The following FAM174C variants were observed in gnomAD, a reference collection of about 807,000 sequenced individuals.
The protein encoded by FAM174C is protein FAM174C.
Under a neutral mutation model 12.3 loss-of-function variants are expected in FAM174C, and 19 were observed. The observed-to-expected ratio is 1.55, with a 90% confidence interval of 1.08 to 2.27. The LOEUF (loss-of-function observed/expected upper bound fraction) is 2.27. FAM174C is among the 30% of genes most tolerant of loss of function. The probability of loss-of-function intolerance (pLI) is 0.00; values close to 1 mark genes in which losing one functional copy is unlikely to be tolerated. For missense variants in FAM174C, 239 were observed against 190.2 expected (o/e 1.26, Z -1.51); for synonymous variants, 147 against 103.5 (o/e 1.42, Z -2.55).
At position 1,278,958 on chromosome 19, in the gene FAM174C, C is replaced by T. The variant is rs1331929288; in HGVS notation, c.*181C>T. 1.4e-5 allele frequency: 22 copies of T among 1,612,606 alleles called. No homozygotes were observed. The highest frequency in any genetic ancestry group is 1.8e-5 in the Non-Finnish European group (21 of 1,179,948). On this transcript the variant is annotated 3_prime_UTR_variant, in exon 3 of 3. Transcript: ENST00000409293. ...ACCTGCACAGCCCGCCGACCTGTTG[C>T]CACCTGCACCCACCGCTGGACCATG...
chr19:1,277,095 A>G, intron 1 of FAM174C, 88 bp from the exon 2 acceptor site: 1 of 1,471,264 alleles, frequency 6.8e-7, no homozygotes, highest in Non-Finnish European at 9.1e-7. Context: ...TCGGGGCTCC[A>G]GTAGAGGACG....
rs2081409729 is a variant in FAM174C at position 1,275,745 on chromosome 19, T to C, written c.196T>C (p.Ser66Pro). ...CACGCACACGCGTCCGCCGGGGGCGTCGGGCTCGGCGCTGACGCGCTCCTT... is the reference window on the plus strand; with the variant it reads ...CACGCACACGCGTCCGCCGGGGGCGCCGGGCTCGGCGCTGACGCGCTCCTT... The part of the protein sequence containing the change: ...NSTHTRPPGA[S>P]GSALTRSFYV... The change falls in exon 1 of 3, where the codon TCG (serine) becomes CCG (proline). Residue 66 changes from serine to proline, a missense_variant. Ser to Pro is a moderately conservative substitution (Grantham distance 74). Transcript: ENST00000409293. 2 of 1,534,892 alleles carry C rather than the reference T, an allele frequency of 1.3e-6. No homozygotes were observed. The highest frequency in any genetic ancestry group is 1.7e-6 in the Non-Finnish European group (2 of 1,144,484).
At chr19:1,276,046 G>T (rs1012292047) in intron 1 of FAM174C, 4 of 547,650 alleles carry the variant, frequency 7.3e-6, no homozygotes, top group Admixed American at 3.7e-5. Context: ...TGCGCCTGGG[G>T]TTGGAGGTGC....
rs557576284 is a variant in FAM174C, at chr19:1,277,199, C to T, written c.298C>T (p.Arg100Trp). Residue 100 changes from arginine to tryptophan, a missense_variant, in exon 2 of 3, where the codon CGG becomes TGG. By Grantham distance (101) the Arg-to-Trp change is moderately radical. Coordinates refer to ENST00000409293, the MANE Select transcript of FAM174C (RefSeq NM_017914.4). ...IRAFRLKKPQ[R>W]RRYGLLANTE... Reference sequence around the variant, plus strand: ...TACTTCCAGGTTGAAGAAGCCTCAGCGGAGGCGATACGGCCTCCTCGCCAA... The same window carrying T: ...TACTTCCAGGTTGAAGAAGCCTCAGTGGAGGCGATACGGCCTCCTCGCCAA... 11 of 1,542,850 alleles carry T rather than the reference C, an allele frequency of 7.1e-6. No individual in the cohort carries two copies. In the East Asian group the frequency reaches 1.2e-4, roughly 17 times the overall value.
In FAM174C at chr19:1,275,610, G is replaced by GCGCTGCCGTGCGGTGCCGAAGAGGCCT; in HGVS notation, c.65_91dup (p.Leu22_Ser30dup). 1.6e-6 allele frequency: 2 copies of GCGCTGCCGTGCGGTGCCGAAGAGGCCT among 1,258,130 alleles called. No homozygotes were observed. The highest frequency in any genetic ancestry group is 3.1e-5 in the South Asian group (1 of 32,770). 77.9% of individuals were successfully genotyped at this position (1,258,130 alleles called of 1,614,324 possible). ...GCTCCTGCTGGCGCTGCTGCTGGCG[G>GCGCTGCCGTGCGGTGCCGAAGAGGCCT]CGCTGCCGTGCGGTGCCGAAGAGGC... On this transcript the variant is annotated inframe_insertion, in exon 1 of 3. Transcript: ENST00000409293.
Position 1,277,210 on chromosome 19 carries a change from C to T in FAM174C, c.309C>T (p.Tyr103=), listed in dbSNP as rs138739305. The change falls in exon 2 of 3, where the codon TAC becomes TAT. Residue 103 remains tyrosine, a synonymous_variant. Coordinates refer to ENST00000409293, the MANE Select transcript of FAM174C (RefSeq NM_017914.4). ...TGAAGAAGCCTCAGCGGAGGCGATACGGCCTCCTCGCCAACACTGAGGACC... is the reference window on the plus strand; with the variant it reads ...TGAAGAAGCCTCAGCGGAGGCGATATGGCCTCCTCGCCAACACTGAGGACC... The part of the protein sequence containing the change: ...FRLKKPQRRR[Y]GLLANTEDPT... 1.5e-3 allele frequency: 2,307 copies of T among 1,546,750 alleles called. 13 individuals carry two copies. Among genetic ancestry groups the T allele is most frequent in the Middle Eastern group, 3.2e-3 (19 of 5,980 alleles).
chr19:1,277,065 A>G, intron 1 of FAM174C, 118 bp from the exon 2 acceptor site: 1 of 1,394,566 alleles, frequency 7.2e-7, no homozygotes, highest in Admixed American at 2.7e-5. Flanking sequence ...CAGCAAAACC[A>G]GGGAGGTCTG....
rs1355763820 is a variant in FAM174C at position 1,277,234 on chromosome 19, C to T, written c.333C>T (p.Asp111=). Residue 111 remains aspartate (D), a synonymous_variant, in exon 2 of 3, where the codon GAC becomes GAT. Coordinates refer to ENST00000409293, the MANE Select transcript of FAM174C (RefSeq NM_017914.4). Reference sequence around the variant, plus strand: ...ACGGCCTCCTCGCCAACACTGAGGACCCCACGGAGATGGCCTCGCTGGACA... The same window carrying T: ...ACGGCCTCCTCGCCAACACTGAGGATCCCACGGAGATGGCCTCGCTGGACA... ...RRYGLLANTE[D]PTEMASLDSD... The T allele has an allele frequency of 2.6e-6, 4 of 1,549,694 alleles. No homozygotes were observed. The highest frequency in any genetic ancestry group is 2.4e-5 in the East Asian group (1 of 40,890).
At chr19:1,275,942 C>CTCTCCCTG in intron 1 of FAM174C, 112 bp downstream of exon 1, 1 of 1,024,948 alleles carries the variant, frequency 9.8e-7, no homozygotes, top group Admixed American at 2.2e-5. Context: ...CTCCCTCCCT[C>CTCTCCCTG]TCTCCCTGTT....
Position 1,275,535 on chromosome 19 carries a change from C to A in FAM174C, c.-15C>A. The stretch of plus-strand genomic sequence containing the variant: ...GCGCATAGGGGCGGGGCGCCGCCAC[C>A]GCTTCCGCCGGGCCATGGGGCCGCG... On this transcript the variant is annotated 5_prime_UTR_variant, in exon 1 of 3. Coordinates refer to ENST00000409293, the MANE Select transcript of FAM174C (RefSeq NM_017914.4). The A allele has an allele frequency of 8.3e-7, 1 of 1,205,064 alleles. No individual in the cohort carries two copies. Among genetic ancestry groups the A allele is most frequent in the Non-Finnish European group, 1.0e-6 (1 of 971,186 alleles). 74.6% of individuals were successfully genotyped at this position (1,205,064 alleles called of 1,614,324 possible).
intron 2 of FAM174C, among the ~76,000 whole-genome samples, chr19:1,278,091 G>A (rs769778259): frequency 1.3e-5 from 2 of 152,236 alleles, no homozygotes; most frequent in Admixed American, 6.5e-5. Context: ...CTTTTTTAAG[G>A]CAGGAAAGCG....
Position 1,279,166 on chromosome 19 carries a change from G to A in FAM174C, c.*389G>A. 6.2e-6 allele frequency: 10 copies of A among 1,612,968 alleles called. No homozygotes were observed. Among genetic ancestry groups the A allele is most frequent in the Non-Finnish European group, 8.5e-6 (10 of 1,179,864 alleles). On this transcript the variant is annotated 3_prime_UTR_variant, in exon 3 of 3. Coordinates refer to ENST00000409293, the MANE Select transcript of FAM174C (RefSeq NM_017914.4). ...AAGGCTGGGTGGGCAGGTGACCCAA[G>A]GAACCTTTCTGGGAACACCTTCTCG...
chr19:1,279,032 G>A lies in FAM174C; in HGVS notation c.*255G>A. 1 of 1,611,712 alleles carries A rather than the reference G, an allele frequency of 6.2e-7. No homozygotes were observed. Among genetic ancestry groups the A allele is most frequent in the East Asian group, 2.2e-5 (1 of 44,890 alleles). Reference sequence around the variant, plus strand: ...CCCAGCCTGGCCGAGGGTCCCAGGTGAAGACTGGAGGGACCCCAACAGCCA... The same window carrying A: ...CCCAGCCTGGCCGAGGGTCCCAGGTAAAGACTGGAGGGACCCCAACAGCCA... On this transcript the variant is annotated 3_prime_UTR_variant, in exon 3 of 3. Coordinates refer to ENST00000409293, the MANE Select transcript of FAM174C (RefSeq NM_017914.4).
chr19:1,275,765 C>G lies in FAM174C; in HGVS notation c.216C>G (p.Arg72=). The change falls in exon 1 of 3, where the codon CGC becomes CGG. Residue 72 remains arginine, a synonymous_variant. Transcript: ENST00000409293. ...GGGCGTCGGGCTCGGCGCTGACGCG[C>G]TCCTTCTACGTGATCCTGGGCTTCT... ...PPGASGSALT[R]SFYVILGFCG... The G allele has an allele frequency of 1.9e-6, 3 of 1,539,104 alleles. No homozygotes were observed. The highest frequency in any genetic ancestry group is 2.6e-6 in the Non-Finnish European group (3 of 1,145,966).
rs747992824 is a variant in FAM174C at position 1,275,759 on chromosome 19, G to A, written c.210G>A (p.Leu70=). ...TRPPGASGSA[L]TRSFYVILGF... is the part of the protein sequence containing the mutation. Reference sequence around the variant, plus strand: ...CGCCGGGGGCGTCGGGCTCGGCGCTGACGCGCTCCTTCTACGTGATCCTGG... The same window carrying A: ...CGCCGGGGGCGTCGGGCTCGGCGCTAACGCGCTCCTTCTACGTGATCCTGG... The change falls in exon 1 of 3, where the codon CTG becomes CTA. Residue 70 remains leucine, a synonymous_variant. Coordinates refer to ENST00000409293, the MANE Select transcript of FAM174C (RefSeq NM_017914.4). 1.0e-5 allele frequency: 16 copies of A among 1,538,936 alleles called. No homozygotes were observed. In the South Asian group the frequency reaches 1.5e-4, roughly 15 times the overall value.
Position 1,275,803 on chromosome 19 carries a change from C to G in FAM174C, c.254C>G (p.Ala85Gly). The stretch of plus-strand genomic sequence containing the variant: ...ATCCTGGGCTTCTGCGGCCTGACCG[C>G]GCTCTACTTCCTGATCCGGGCGTTT... ...YVILGFCGLT[A>G]LYFLIRAFRL... The change falls in exon 1 of 3, where the codon GCG becomes GGG. Residue 85 changes from alanine to glycine, a missense_variant. By Grantham distance (60) the Ala-to-Gly change is moderately conservative. Transcript: ENST00000409293. The G allele has an allele frequency of 2.0e-6, 3 of 1,538,172 alleles. No homozygotes were observed. Among genetic ancestry groups the G allele is most frequent in the African/African-American group, 1.4e-5 (1 of 72,950 alleles).
intron 1 of FAM174C, 68 bp downstream of exon 1, chr19:1,275,898 T>C (rs889469013): frequency 1.1e-5 from 16 of 1,436,590 alleles, no homozygotes; most frequent in African/African-American, 8.6e-5. Context: ...GTGCGTCACG[T>C]GCCGGGCCGC....
chr19:1,277,154 C>T, intron 1 of FAM174C, 29 bp from the exon 2 acceptor site: 2 of 1,517,264 alleles, frequency 1.3e-6, no homozygotes, highest in Non-Finnish European at 1.8e-6. Flanking sequence ...CGGGGAGGGG[C>T]CACTGACTAT....
intron 1 of FAM174C, chr19:1,276,195 CCTCGTT>C: frequency 3.7e-6 from 1 of 270,012 alleles, no homozygotes; most frequent in East Asian, 8.9e-5. Flanking sequence ...GGATGCCCGT[CCTCGTT>C]CTCATCTTCC....
Sources: allele counts gnomAD v4.1 joint callset (sites outside exome capture counted in the v4.1 genomes callset), GRCh38; gene constraint gnomAD v4.1.1; transcripts MANE v1.5; gene names NCBI Gene and HGNC (gene_info 2026-07-23, HGNC 2026-07-21).